The following DIP2A variants were observed in gnomAD, a reference collection of about 807,000 sequenced individuals.
DIP2A encodes the protein disco-interacting protein 2 homolog A.
In DIP2A, 85 loss-of-function variants were observed where a neutral mutation model predicts 177.4. The observed-to-expected ratio is 0.48, with a 90% confidence interval of 0.40 to 0.57. The LOEUF (loss-of-function observed/expected upper bound fraction) is 0.57. DIP2A is among the 20% of genes least tolerant of loss of function. DIP2A has a pLI of 0.00. For missense variants in DIP2A, 1,791 were observed against 2,100.2 expected, an observed-to-expected ratio of 0.85 and a Z score of 2.88; for synonymous variants, 886 against 881.8, an observed-to-expected ratio of 1.00 and a Z score of -0.08.
intron 1 of DIP2A, among the ~76,000 whole-genome samples, chr21:46,471,418 T>C (rs2055370006): frequency 6.6e-6 from 1 of 152,182 alleles, no homozygotes; most frequent in African/African-American, 2.4e-5. Context: ...CCCCCACCCT[T>C]ATACGTGTAC....
intron 1 of DIP2A, among the ~76,000 whole-genome samples, chr21:46,461,271 CAAAA>C (rs60346777): frequency 0.078 from 3,824 of 49,304 alleles, 92 homozygotes; most frequent in Non-Finnish European, 0.1. Flanking sequence ...CTCTTCTCAC[CAAAA>C]AAAAAAAAAA....
chr21:46,545,502 G>C (rs1054081829), intron 19 of DIP2A, among the ~76,000 whole-genome samples: 5 of 152,198 alleles, frequency 3.3e-5, no homozygotes, highest in Non-Finnish European at 7.4e-5. Context: ...GGGAGTCAGC[G>C]TGCTTCCCAC....
At chr21:46,491,781 C>T (rs902231905) in intron 3 of DIP2A, among the ~76,000 whole-genome samples, 1 of 152,156 alleles carries the variant, frequency 6.6e-6, no homozygotes, top group African/African-American at 2.4e-5. Context: ...CAGCTCTTCT[C>T]CCCAACCCTG....
At chr21:46,461,286 A>AAAAAAAAAAAAG (rs1568883325) in intron 1 of DIP2A, among the ~76,000 whole-genome samples, 1 of 149,556 alleles carries the variant, frequency 6.7e-6, no homozygotes, top group Non-Finnish European at 1.5e-5. Flanking sequence ...AAAAAAAAAA[A>AAAAAAAAAAAAG]AAAAAAAGGA....
At position 46,563,523 on chromosome 21, in the gene DIP2A, G is replaced by A. The variant is rs1413955308; in HGVS notation, c.4090-335G>A. 2.9e-5 allele frequency: 8 copies of A among 276,576 alleles called. No individual in the cohort carries two copies. The highest frequency in any genetic ancestry group is 5.0e-5 in the Non-Finnish European group (7 of 141,206). The allele number at this position is 276,576 out of a possible 1,614,324, so 17.1% of individuals were successfully genotyped here. A position where few individuals can be genotyped will look rare whatever the true frequency, so the allele number is the denominator to read the frequency against. ...TGTGCCTCCTGCAGGGCTGGGCACA[G>A]CAGGGTCACTGCACCCCTGGATGGA... is the stretch of plus-strand genomic sequence containing the variant. On this transcript the variant is annotated intron_variant, in intron 34 of 37. Coordinates refer to ENST00000417564, the MANE Select transcript of DIP2A (RefSeq NM_015151.4). This position sits in a 1 kb window ranked among gnomAD's most constrained non-coding sequence, Gnocchi z 4.3.
intron 3 of DIP2A, among the ~76,000 whole-genome samples, chr21:46,494,807 G>A (rs970315825): frequency 8.6e-5 from 13 of 151,894 alleles, no homozygotes; most frequent in Non-Finnish European, 1.6e-4. Context: ...CCCATTCTTC[G>A]CCATTGGGAA....
At chr21:46,494,100 GTAAT>G (rs2148496642) in intron 3 of DIP2A, among the ~76,000 whole-genome samples, 1 of 152,318 alleles carries the variant, frequency 6.6e-6, no homozygotes, top group East Asian at 1.9e-4. Flanking sequence ...TTTTCACAAA[GTAAT>G]TAACAATAAA....
rs760694655 is a variant in DIP2A at position 46,551,740 on chromosome 21, G to A, written c.2946G>A (p.Arg982=). Residue 982 remains arginine (R), a synonymous_variant, in exon 24 of 38, where the codon CGG becomes CGA. Coordinates refer to ENST00000417564, the MANE Select transcript of DIP2A (RefSeq NM_015151.4). The part of the protein sequence containing the change: ...LAHLEDSDQA[R]KFLFLADVLQ... ...ACCTGGAGGACAGCGACCAGGCACG[G>A]AAGGTGACAGGCCAGTTCCGGGGAC... The A allele has an allele frequency of 2.5e-6, 4 of 1,613,876 alleles. No homozygotes were observed. The highest frequency in any genetic ancestry group is 1.7e-5 in the Admixed American group (1 of 60,002).
At chr21:46,501,170 A>G (rs1005007005) in intron 5 of DIP2A, among the ~76,000 whole-genome samples, 6 of 152,246 alleles carry the variant, frequency 3.9e-5, no homozygotes, top group Non-Finnish European at 8.8e-5. Flanking sequence ...TAAACTAAGG[A>G]AAGAAACATG....
At chr21:46,503,655 CTTTCTTTCTT>C (rs1337904185) in intron 5 of DIP2A, among the ~76,000 whole-genome samples, 1 of 40,362 alleles carries the variant, frequency 2.5e-5, no homozygotes. Flanking sequence ...CTTTCTTTTT[CTTTCTTTCTT>C]TTTCTTTCTT....
chr21:46,527,252 T>C (rs2148723086), intron 8 of DIP2A, among the ~76,000 whole-genome samples: 1 of 151,018 alleles, frequency 6.6e-6, no homozygotes. Context: ...AGTTTGAAAT[T>C]CTTTATGCAT....
At chr21:46,502,944 T>A (rs536629455) in intron 5 of DIP2A, among the ~76,000 whole-genome samples, 1 of 152,340 alleles carries the variant, frequency 6.6e-6, no homozygotes, top group Non-Finnish European at 1.5e-5. Context: ...CACAAAAATG[T>A]ACATTCAGAC....
At chr21:46,541,718 C>G (rs779755272) in intron 17 of DIP2A, 38 bp from the exon 18 acceptor site, 2 of 1,612,748 alleles carry the variant, frequency 1.2e-6, no homozygotes, top group East Asian at 2.2e-5. Flanking sequence ...AATTTCATCC[C>G]CCTCGTCAGT....
the DIP2A span, among the ~76,000 whole-genome samples, chr21:46,583,269 T>G: frequency 1.3e-5 from 2 of 152,342 alleles, no homozygotes; most frequent in South Asian, 4.1e-4. Context: ...AAATAAGAGT[T>G]GGAGACTTCA....
chr21:46,527,854 G>A (rs759014010), intron 8 of DIP2A, among the ~76,000 whole-genome samples: 14 of 151,966 alleles, frequency 9.2e-5, no homozygotes, highest in African/African-American at 3.1e-4. Context: ...CTTCAAGTGT[G>A]GGGGGTTAGA....
At chr21:46,550,420 C>T in intron 22 of DIP2A, 123 bp from the exon 23 acceptor site, 1 of 889,320 alleles carries the variant, frequency 1.1e-6, no homozygotes, top group East Asian at 2.6e-5. Flanking sequence ...ACAAAGTGTC[C>T]AGAGGGCATT....
rs773994738 is a variant in DIP2A, at chr21:46,534,055, C to T, written c.1481C>T (p.Pro494Leu). 1.9e-6 allele frequency: 3 copies of T among 1,613,702 alleles called. No homozygotes were observed. Among genetic ancestry groups the T allele is most frequent in the African/African-American group, 1.3e-5 (1 of 74,870 alleles). The stretch of plus-strand genomic sequence containing the variant: ...ATTGATGGGAAGCATCTAGCCAAGC[C>T]CCCAAAGGACTGGCACCCTCTGGCC... ...LVIDGKHLAK[P>L]PKDWHPLAQD... is the part of the protein sequence containing the mutation. Residue 494 changes from proline to leucine, a missense_variant, in exon 12 of 38, where the codon CCC (proline) becomes CTC (leucine). By Grantham distance (98) the Pro-to-Leu change is moderately conservative. Coordinates refer to ENST00000417564, the MANE Select transcript of DIP2A (RefSeq NM_015151.4).
intron 8 of DIP2A, among the ~76,000 whole-genome samples, chr21:46,511,837 A>G (rs1601597983): frequency 6.6e-6 from 1 of 152,164 alleles, no homozygotes; most frequent in Admixed American, 6.5e-5. Context: ...GGAGCGTTCT[A>G]TGTATGCATT....
At position 46,463,680 on chromosome 21, in the gene DIP2A, T is replaced by TTTTG. The variant is rs1555858071; in HGVS notation, c.91+4459_91+4460insTTGT. On this transcript the variant is annotated intron_variant, in intron 1 of 37. Coordinates refer to ENST00000417564, the MANE Select transcript of DIP2A (RefSeq NM_015151.4). ...TTAATTTCTAAAATCTGGGATATAT[T>TTTTG]TGTGTGTGTGTGTGTGTGTGTGTGT... is the stretch of plus-strand genomic sequence containing the variant. Among the ~76,000 whole-genome samples, 2,311 of 131,034 alleles carry TTTTG rather than the reference T, an allele frequency of 0.018. 136 individuals carry two copies. The East Asian group carries it at 0.21, about 12-fold the overall frequency. The allele number at this position is 131,034 out of a possible 152,430, so 86.0% of individuals were successfully genotyped here.
Sources: allele counts gnomAD v4.1 joint callset (sites outside exome capture counted in the v4.1 genomes callset), GRCh38; gene constraint gnomAD v4.1.1; non-coding constraint Gnocchi (gnomAD v3.1); transcripts MANE v1.5; gene names NCBI Gene and HGNC (gene_info 2026-07-23, HGNC 2026-07-21).